CATSPERG: variants seen among roughly 807,000 people sequenced by gnomAD.
CATSPERG encodes the protein catsper channel auxiliary subunit gamma, also known as cation channel sperm-associated auxiliary subunit gamma.
CATSPERG carries 115 observed loss-of-function variants against 145.0 expected under a neutral mutation model. That is an observed-to-expected ratio of 0.79 (90% CI 0.68 to 0.93). CATSPERG has a LOEUF of 0.93. CATSPERG is among the 40% of genes least tolerant of loss of function. CATSPERG has a pLI of 0.00. For missense variants in CATSPERG, 1,296 were observed against 1,490.1 expected (o/e 0.87, Z 2.14); for synonymous variants, 588 against 589.0 (o/e 1.00, Z 0.02).
chr19:38,352,527 G>C (rs1970160754), intron 8 of CATSPERG, 95 bp downstream of exon 8: 1 of 1,292,918 alleles, frequency 7.7e-7, no homozygotes, highest in Non-Finnish European at 1.1e-6. Context: ...TGTGGGTGAG[G>C]CATTGGGGAA....
intron 3 of CATSPERG, 117 bp downstream of exon 3, chr19:38,337,763 G>T: frequency 1.0e-6 from 1 of 958,416 alleles, no homozygotes; most frequent in Non-Finnish European, 1.5e-6. Flanking sequence ...CTGTTGCCCA[G>T]ACTGGAGTGC....
At chr19:38,337,811 C>A (rs965011621) in intron 3 of CATSPERG, 165 bp downstream of exon 3, 4 of 557,670 alleles carry the variant, frequency 7.2e-6, no homozygotes, top group Non-Finnish European at 3.0e-6. Flanking sequence ...CTCCGCCTCC[C>A]GTGTTCAAGC....
At position 38,362,364 on chromosome 19, in the gene CATSPERG, C is replaced by G; in HGVS notation, c.2158-12C>G. The stretch of plus-strand genomic sequence containing the variant: ...CCGGCGCTGACTCTGCCCCGCGCAT[C>G]CGGTACCCCAGGATTACTACTTCTT... On this transcript the variant is annotated splice_polypyrimidine_tract_variant and intron_variant, in intron 18 of 28. Coordinates refer to ENST00000409235, the MANE Select transcript of CATSPERG (RefSeq NM_021185.5). 2 of 1,614,118 alleles carry G rather than the reference C, an allele frequency of 1.2e-6. No individual in the cohort carries two copies. The highest frequency in any genetic ancestry group is 1.7e-6 in the Non-Finnish European group (2 of 1,179,972).
At chr19:38,340,360 A>G (rs1282556363) in intron 3 of CATSPERG, among the ~76,000 whole-genome samples, 1 of 150,484 alleles carries the variant, frequency 6.6e-6, no homozygotes. Flanking sequence ...TCACTCTGTC[A>G]CCCAGGCTGG....
At chr19:38,370,394 A>G in intron 28 of CATSPERG, 132 bp from the exon 29 acceptor site, 1 of 1,415,598 alleles carries the variant, frequency 7.1e-7, no homozygotes, top group East Asian at 2.3e-5. Context: ...GCCATGCCAC[A>G]GGCTGTCTAC....
chr19:38,353,851 G>C (rs1283859298), intron 8 of CATSPERG, among the ~76,000 whole-genome samples: 1 of 151,288 alleles, frequency 6.6e-6, no homozygotes. Context: ...AATTAGCTGG[G>C]TGTGGTGGCA....
intron 14 of CATSPERG, chr19:38,359,835 A>C: frequency 4.9e-6 from 6 of 1,225,320 alleles, no homozygotes; most frequent in Non-Finnish European, 6.2e-6. Flanking sequence ...GTGGTCGTTC[A>C]CTTCATAAAT....
rs1477242242 is a variant in CATSPERG at position 38,370,686 on chromosome 19, G to C, written c.3374G>C (p.Ser1125Thr). ...TACGCCTCCATTTCCGGAATCTCGA[G>C]CATGCCGTCTCTGAGACATTCCAGG... ...YTYASISGIS[S>T]MPSLRHSRMG... Residue 1125 changes from serine (S) to threonine (T), a missense_variant, in exon 29 of 29, where the codon AGC becomes ACC. Coordinates refer to ENST00000409235, the MANE Select transcript of CATSPERG (RefSeq NM_021185.5). 1.9e-6 allele frequency: 3 copies of C among 1,613,908 alleles called. No homozygotes were observed. The highest frequency in any genetic ancestry group is 2.5e-6 in the Non-Finnish European group (3 of 1,180,024).
chr19:38,341,813 G>A (rs910622867), intron 3 of CATSPERG, among the ~76,000 whole-genome samples: 38 of 152,160 alleles, frequency 2.5e-4, no homozygotes, highest in African/African-American at 7.5e-4. Flanking sequence ...GAGGCAGGAC[G>A]ATCGCCTGAA....
chr19:38,365,211 A>C, intron 22 of CATSPERG, 94 bp downstream of exon 22: 1 of 1,080,416 alleles, frequency 9.3e-7, no homozygotes, highest in Non-Finnish European at 1.4e-6. Context: ...TAATGCATTC[A>C]TAATTTCCTT....
At chr19:38,359,747 G>A (rs567373652) in intron 14 of CATSPERG, 166 bp downstream of exon 14, 150 of 1,370,078 alleles carry the variant, frequency 1.1e-4, no homozygotes, top group Non-Finnish European at 1.3e-4. Context: ...TGGAACTCAG[G>A]GTAAGTGTCA....
In CATSPERG at chr19:38,365,134, T is replaced by C. The variant is rs985448976; in HGVS notation, c.2613+17T>C. 6.2e-7 allele frequency: 1 copy of C among 1,612,238 alleles called. No homozygotes were observed. The highest frequency in any genetic ancestry group is 8.5e-7 in the Non-Finnish European group (1 of 1,179,216). On this transcript the variant is annotated intron_variant, in intron 22 of 28. Transcript: ENST00000409235. Reference sequence around the variant, plus strand: ...CATATGCAAGTATTGGAGCTTGGGATACTGGGCCCTGGGAGGGGAAGGTTG... The same window carrying C: ...CATATGCAAGTATTGGAGCTTGGGACACTGGGCCCTGGGAGGGGAAGGTTG...
intron 9 of CATSPERG, 87 bp from the exon 10 acceptor site, chr19:38,356,397 G>A (rs1970242971): frequency 7.8e-6 from 9 of 1,150,792 alleles, no homozygotes; most frequent in Non-Finnish European, 1.2e-5. Flanking sequence ...GGGGCTGGTG[G>A]GCATAAGGAG....
intron 3 of CATSPERG, among the ~76,000 whole-genome samples, chr19:38,339,387 C>G (rs1251966106): frequency 1.3e-5 from 2 of 152,172 alleles, no homozygotes; most frequent in African/African-American, 4.8e-5. Context: ...TAGCACAGAG[C>G]TTGGTGTTCC....
Position 38,346,514 on chromosome 19 carries a change from A to G in CATSPERG, c.734A>G (p.Asp245Gly), listed in dbSNP as rs777833749. The G allele has an allele frequency of 5.2e-6, 8 of 1,551,428 alleles. No homozygotes were observed. In the East Asian group the frequency reaches 9.8e-5, roughly 19 times the overall value. The change falls in exon 7 of 29, where the codon GAC becomes GGC. Residue 245 changes from aspartate to glycine, a missense_variant. Transcript: ENST00000409235. ...VSSRPLWHTV[D>G]QSPVLILGGI... is the part of the protein sequence containing the mutation. The stretch of plus-strand genomic sequence containing the variant: ...TCGAGGCCCTTGTGGCACACTGTGG[A>G]CCAGTCACCTGTGCTTATCCTGGGA...
intron 8 of CATSPERG, 42 bp downstream of exon 8, chr19:38,352,474 C>G (rs955833879): frequency 8.4e-6 from 13 of 1,539,074 alleles, no homozygotes; most frequent in Non-Finnish European, 1.1e-5. Flanking sequence ...GGAGGGCACC[C>G]TGGTGAACCC....
intron 11 of CATSPERG, among the ~76,000 whole-genome samples, chr19:38,357,391 C>T (rs1170368753): frequency 1.4e-5 from 2 of 147,530 alleles, no homozygotes; most frequent in African/African-American, 5.0e-5. Flanking sequence ...AGTATGGAGT[C>T]GCACCTGTAG....
chr19:38,347,519 T>C lies in CATSPERG; in HGVS notation c.825+914T>C, dbSNP rs529590228. Among the ~76,000 whole-genome samples, 8 of 152,352 alleles carry C rather than the reference T, an allele frequency of 5.3e-5. No homozygotes were observed. The East Asian group carries it at 7.7e-4, about 15-fold the overall frequency. ...CCTATTAGGCATTGAGAGCCTATAT[T>C]ATCCCAGAATAGGGAGGGAGTGTCT... On this transcript the variant is annotated intron_variant, in intron 7 of 28. Transcript: ENST00000409235.
intron 7 of CATSPERG, among the ~76,000 whole-genome samples, chr19:38,347,576 A>T (rs1970061725): frequency 6.6e-6 from 1 of 152,180 alleles, no homozygotes; most frequent in Non-Finnish European, 1.5e-5. Context: ...CAGCGACAGA[A>T]CTATGTTGGA....
Sources: gnomAD v4.1 joint callset for allele counts (sites outside exome capture counted in the v4.1 genomes callset) on GRCh38, gnomAD v4.1.1 for gene constraint, MANE v1.5 for transcripts, NCBI Gene and HGNC (gene_info 2026-07-23, HGNC 2026-07-21) for gene names.